The following EVI5 variants were observed in gnomAD, a reference collection of about 807,000 sequenced individuals.
EVI5 encodes ecotropic viral integration site 5.
Under a neutral mutation model 112.0 loss-of-function variants are expected in EVI5, and 73 were observed. The ratio of observed to expected loss-of-function variants is 0.65; its 90% CI spans 0.54 to 0.79. The LOEUF is 0.79. Among genes scored for constraint, EVI5 ranks in the 30% least tolerant of loss-of-function variants. EVI5 has a pLI of 0.00. For synonymous variants in EVI5, 305 were observed against 319.9 expected (o/e 0.95, Z 0.50); for missense variants, 900 against 968.8 (o/e 0.93, Z 0.94).
rs75401054 is a variant in EVI5 at position 92,768,313 on chromosome 1, T to G, written c.-82+16523A>C. Among the ~76,000 whole-genome samples the G allele has an allele frequency of 4.3e-3, 660 of 152,000 alleles. 5 individuals are homozygous for G. Among genetic ancestry groups the G allele is most frequent in the African/African-American group, 0.015 (628 of 41,410 alleles). ...ATACACAGCTACACAATAAAAGACT[T>G]TCAGAAGACGCCAAAAAAGCATTTA... On this transcript the variant is annotated intron_variant, in intron 1 of 19. Transcript: ENST00000684568.
At position 92,711,614 on chromosome 1, in the gene EVI5, G is replaced by A. The variant is rs113279582; in HGVS notation, c.150-6870C>T. Among the ~76,000 whole-genome samples the A allele has an allele frequency of 5.9e-3, 897 of 152,146 alleles. 9 individuals are homozygous for A. The highest frequency in any genetic ancestry group is 0.019 in the African/African-American group (798 of 41,510). ...AGGCTTCAGTGAGCCATGATCACAC[G>A]ACTGCACTCTAGCCTACGTGACAGA... is the stretch of plus-strand genomic sequence containing the variant. On this transcript the variant is annotated intron_variant, in intron 2 of 19. Coordinates refer to ENST00000684568, the MANE Select transcript of EVI5 (RefSeq NM_001350197.2).
At chr1:92,694,413 C>T in intron 7 of EVI5, 25 bp from the exon 8 acceptor site, 1 of 1,315,474 alleles carries the variant, frequency 7.6e-7, no homozygotes, top group South Asian at 1.3e-5. Context: ...TAAATAAATC[C>T]AAATTTATGT....
intron 1 of EVI5, among the ~76,000 whole-genome samples, chr1:92,739,392 C>T (rs1022281629): frequency 7.9e-5 from 12 of 151,522 alleles, no homozygotes; most frequent in Non-Finnish European, 1.6e-4. Context: ...CATAAAAGTT[C>T]CAAACAGGCA....
At chr1:92,590,988 C>A (rs1359837278) in intron 18 of EVI5, among the ~76,000 whole-genome samples, 10 of 152,102 alleles carry the variant, frequency 6.6e-5, no homozygotes, top group Admixed American at 2.6e-4. Context: ...AATTTTCAAC[C>A]CAGAATTTCA....
intron 13 of EVI5, chr1:92,647,387 T>C (rs1661181696): frequency 3.7e-6 from 1 of 272,690 alleles, no homozygotes; most frequent in African/African-American, 2.2e-5. Flanking sequence ...TGAAGGTCCT[T>C]CTTCTTGCCT....
intron 19 of EVI5, among the ~76,000 whole-genome samples, chr1:92,557,630 A>T (rs1208990580): frequency 6.6e-6 from 1 of 152,116 alleles, no homozygotes; most frequent in Non-Finnish European, 1.5e-5. Context: ...AGGGTGTTTC[A>T]GTCAGTAGTA....
intron 19 of EVI5, among the ~76,000 whole-genome samples, chr1:92,528,406 A>G (rs945329214): frequency 5.3e-5 from 8 of 152,306 alleles, no homozygotes; most frequent in Admixed American, 3.9e-4. Flanking sequence ...TTCATTCTCA[A>G]AAGTGTCCTG....
chr1:92,637,150 G>T (rs1659030578), intron 13 of EVI5, among the ~76,000 whole-genome samples: 1 of 152,150 alleles, frequency 6.6e-6, no homozygotes, highest in African/African-American at 2.4e-5. Context: ...GGCCGAGGCG[G>T]GTGGATCACT....
At chr1:92,579,926 T>C (rs1014736693) in intron 18 of EVI5, among the ~76,000 whole-genome samples, 28 of 152,330 alleles carry the variant, frequency 1.8e-4, no homozygotes, top group African/African-American at 6.7e-4. Context: ...TAATACTGAA[T>C]CTTCAAGCTT....
chr1:92,700,261 T>C (rs992264781), intron 5 of EVI5, among the ~76,000 whole-genome samples: 15 of 152,220 alleles, frequency 9.9e-5, no homozygotes, highest in African/African-American at 3.6e-4. Context: ...ACAATATACC[T>C]AATATTATAG....
intron 1 of EVI5, among the ~76,000 whole-genome samples, chr1:92,754,891 A>G (rs964358125): frequency 1.4e-4 from 22 of 152,206 alleles, no homozygotes; most frequent in African/African-American, 5.3e-4. Context: ...CTCATGTGAC[A>G]TATTATGTTC....
At chr1:92,665,877 T>A in intron 11 of EVI5, 62 bp downstream of exon 11, 4 of 1,192,874 alleles carry the variant, frequency 3.4e-6, no homozygotes, top group Non-Finnish European at 4.8e-6. Flanking sequence ...GGATTTTTAA[T>A]AAATATACAG....
intron 1 of EVI5, among the ~76,000 whole-genome samples, chr1:92,748,589 A>C (rs1278146161): frequency 6.6e-6 from 1 of 152,258 alleles, no homozygotes; most frequent in African/African-American, 2.4e-5. Context: ...CACAAAACAA[A>C]ATTAAAATAT....
At chr1:92,648,513 C>A (rs1016632476) in intron 13 of EVI5, among the ~76,000 whole-genome samples, 1 of 152,248 alleles carries the variant, frequency 6.6e-6, no homozygotes, top group East Asian at 1.9e-4. Context: ...AAACCCCTTA[C>A]CTATTAAGCA....
At chr1:92,643,648 A>T (rs1660409136) in intron 13 of EVI5, among the ~76,000 whole-genome samples, 1 of 152,178 alleles carries the variant, frequency 6.6e-6, no homozygotes, top group Non-Finnish European at 1.5e-5. Flanking sequence ...GCAGTGATCT[A>T]CTAAAGACAA....
chr1:92,652,493 T>C (rs548195352), intron 13 of EVI5, among the ~76,000 whole-genome samples: 1 of 152,348 alleles, frequency 6.6e-6, no homozygotes, highest in African/African-American at 2.4e-5. Flanking sequence ...TTTTAGGTTG[T>C]ATATATTTTA....
chr1:92,667,582 A>G (rs2102231113), intron 10 of EVI5, among the ~76,000 whole-genome samples: 1 of 152,288 alleles, frequency 6.6e-6, no homozygotes, highest in East Asian at 1.9e-4. Context: ...ATCCACCAGT[A>G]TAATTGCTTA....
chr1:92,730,794 GT>G (rs1215005730), intron 2 of EVI5, among the ~76,000 whole-genome samples: 25 of 151,970 alleles, frequency 1.6e-4, no homozygotes, highest in African/African-American at 5.6e-4. Context: ...AAAAGAACAG[GT>G]ATGTCTGTTC....
chr1:92,607,973 G>A (rs568781096), intron 16 of EVI5, among the ~76,000 whole-genome samples: 6 of 151,506 alleles, frequency 4.0e-5, no homozygotes, highest in Admixed American at 2.6e-4. Flanking sequence ...GTGAAACCCC[G>A]TCTCTACTAA....
Sources: gnomAD v4.1 joint callset for allele counts (sites outside exome capture counted in the v4.1 genomes callset) on GRCh38, gnomAD v4.1.1 for gene constraint, MANE v1.5 for transcripts, NCBI Gene and HGNC (gene_info 2026-07-23, HGNC 2026-07-21) for gene names.